The following UGT1A5 variants were observed in gnomAD, a reference collection of about 807,000 sequenced individuals.
UGT1A5 encodes the protein UDP-glucuronosyltransferase 1A5.
UGT1A5 carries 29 observed loss-of-function variants against 40.3 expected under a neutral mutation model. The observed-to-expected ratio is 0.72, with a 90% CI of 0.54 to 0.98. The LOEUF (loss-of-function observed/expected upper bound fraction) is 0.98. Among genes scored for constraint, UGT1A5 ranks in the 50% least tolerant of loss-of-function variants. UGT1A5 has a pLI of 0.00. For missense variants in UGT1A5, 678 were observed against 677.9 expected (o/e 1.00, Z 0.00); for synonymous variants, 257 against 262.5 (o/e 0.98, Z 0.20).
chr2:233,770,320 A>G (rs1342178288), intron 4 of UGT1A5: 1 of 152,182 alleles, frequency 6.6e-6, no homozygotes, highest in African/African-American at 2.4e-5. Flanking sequence ...TATGCTGACA[A>G]CCAGGCCATA....
At chr2:233,748,018 T>C in intron 1 of UGT1A5, 1 of 1,613,548 alleles carries the variant, frequency 6.2e-7, no homozygotes, top group East Asian at 2.2e-5. Context: ...CCCAGGCCGA[T>C]CATGCCCAAC....
chr2:233,733,569 G>C (rs1217619334), intron 1 of UGT1A5, among the ~76,000 whole-genome samples: 1 of 152,186 alleles, frequency 6.6e-6, no homozygotes, highest in East Asian at 1.9e-4. Context: ...AAATAATCAT[G>C]TGGTTTGTCA....
At chr2:233,740,246 T>G (rs1354461528) in intron 1 of UGT1A5, among the ~76,000 whole-genome samples, 1 of 151,876 alleles carries the variant, frequency 6.6e-6, no homozygotes, top group African/African-American at 2.4e-5. Flanking sequence ...GAGAATAGAC[T>G]AATACAAGAT....
chr2:233,743,044 G>A lies in UGT1A5; in HGVS notation c.868-23990G>A, dbSNP rs1369920838. On this transcript the variant is annotated intron_variant, in intron 1 of 4. Coordinates refer to ENST00000373414, the MANE Select transcript of UGT1A5 (RefSeq NM_019078.2). ...AAAGACAAACAGAGGTCCTATCCGT[G>A]TAGTCCCAACGATAAGAACAGGTGT... The A allele has an allele frequency of 1.9e-5, 6 of 317,270 alleles. 1 individual carries two copies. The highest frequency in any genetic ancestry group is 4.4e-5 in the African/African-American group (2 of 45,752). The allele number at this position is 317,270 out of a possible 1,614,324, so 19.7% of individuals were successfully genotyped here. A position where few individuals can be genotyped will look rare whatever the true frequency, so the allele number is the denominator to read the frequency against.
chr2:233,713,793 C>T lies in UGT1A5; in HGVS notation c.802C>T (p.Pro268Ser), dbSNP rs2076346799. Residue 268 changes from proline (P) to serine (S), a missense_variant, in exon 1 of 5, where the codon CCG (proline) becomes TCG (serine). Transcript: ENST00000373414. ...GGACTTTGTGATGGATTACCCCAGG[C>T]CGATCATGCCCAACATGGTCTTCAT... is the stretch of plus-strand genomic sequence containing the variant. ...RGDFVMDYPR[P>S]IMPNMVFIGG... The T allele has an allele frequency of 1.2e-6, 2 of 1,613,928 alleles. No homozygotes were observed. Among genetic ancestry groups the T allele is most frequent in the African/African-American group, 1.3e-5 (1 of 74,910 alleles).
At chr2:233,731,751 G>A (rs1484667687) in intron 1 of UGT1A5, among the ~76,000 whole-genome samples, 2 of 152,152 alleles carry the variant, frequency 1.3e-5, no homozygotes, top group Non-Finnish European at 2.9e-5. Context: ...ACATACGTGT[G>A]CATGTGTCCT....
intron 1 of UGT1A5, among the ~76,000 whole-genome samples, chr2:233,744,904 C>A (rs2125866723): frequency 6.6e-6 from 1 of 151,988 alleles, no homozygotes; most frequent in Middle Eastern, 3.4e-3. Flanking sequence ...ATACCAAAAT[C>A]TAGATGCTCA....
chr2:233,753,314 G>A (rs1425498826), intron 1 of UGT1A5: 1 of 152,252 alleles, frequency 6.6e-6, no homozygotes, highest in Non-Finnish European at 1.5e-5. Context: ...GTGCCCCTGT[G>A]GGATGGTGCC....
At chr2:233,765,432 A>G (rs926269161) in intron 1 of UGT1A5, among the ~76,000 whole-genome samples, 3 of 152,240 alleles carry the variant, frequency 2.0e-5, no homozygotes, top group Non-Finnish European at 2.9e-5. Flanking sequence ...AGCCATAACA[A>G]GGAATGAGAT....
chr2:233,716,180 T>C (rs1445061863), intron 1 of UGT1A5, among the ~76,000 whole-genome samples: 1 of 152,174 alleles, frequency 6.6e-6, no homozygotes, highest in Non-Finnish European at 1.5e-5. Flanking sequence ...CATCTTCAAG[T>C]CTCTAATTCT....
At chr2:233,741,729 C>T (rs1433169561) in intron 1 of UGT1A5, 1 of 151,846 alleles carries the variant, frequency 6.6e-6, no homozygotes, top group Admixed American at 6.5e-5. Context: ...CATATCCAAA[C>T]CCATATCACA....
intron 1 of UGT1A5, among the ~76,000 whole-genome samples, chr2:233,716,316 T>C (rs1429812588): frequency 1.3e-5 from 2 of 152,236 alleles, no homozygotes; most frequent in Non-Finnish European, 2.9e-5. Context: ...CCACCTGTAA[T>C]GGAATATATT....
chr2:233,731,227 AT>A (rs2078124721), intron 1 of UGT1A5, among the ~76,000 whole-genome samples: 1 of 151,928 alleles, frequency 6.6e-6, no homozygotes, highest in Non-Finnish European at 1.5e-5. Flanking sequence ...ATTTGTAAAA[AT>A]GTTGAAAAGT....
chr2:233,752,390 G>A (rs1694961532), intron 1 of UGT1A5: 2 of 152,134 alleles, frequency 1.3e-5, no homozygotes, highest in Admixed American at 1.3e-4. Flanking sequence ...TGCAACAGAG[G>A]AAATGCCCCT....
intron 1 of UGT1A5, chr2:233,748,175 C>G: frequency 6.3e-7 from 1 of 1,584,336 alleles, no homozygotes; most frequent in South Asian, 1.2e-5. Context: ...ACTTATCTTT[C>G]TGGTGCTTTT....
intron 1 of UGT1A5, among the ~76,000 whole-genome samples, chr2:233,745,499 C>T (rs763251786): frequency 6.6e-6 from 1 of 151,510 alleles, no homozygotes; most frequent in Non-Finnish European, 1.5e-5. Context: ...TCTAAGATTT[C>T]CTATAGGGTA....
intron 1 of UGT1A5, among the ~76,000 whole-genome samples, chr2:233,723,536 T>TTC (rs1553611580): frequency 8.2e-6 from 1 of 121,444 alleles, no homozygotes; most frequent in Non-Finnish European, 1.6e-5. Context: ...TTTTTTTTTT[T>TTC]AATTTATTTT....
intron 1 of UGT1A5, among the ~76,000 whole-genome samples, chr2:233,727,909 C>T (rs1033821575): frequency 6.6e-6 from 1 of 152,200 alleles, no homozygotes; most frequent in Non-Finnish European, 1.5e-5. Context: ...CAAGAAGACA[C>T]AGGGGCAGTG....
rs2076312897 is a variant in UGT1A5 at position 233,713,366 on chromosome 2, T to C, written c.375T>C (p.His125=). 1.2e-6 allele frequency: 2 copies of C among 1,614,198 alleles called. No homozygotes were observed. Among genetic ancestry groups the C allele is most frequent in the Non-Finnish European group, 1.7e-6 (2 of 1,180,030 alleles). Residue 125 remains histidine (H), a synonymous_variant, in exon 1 of 5, where the codon CAT becomes CAC. Coordinates refer to ENST00000373414, the MANE Select transcript of UGT1A5 (RefSeq NM_019078.2). ...AIMNNMSLII[H]RSCVELLHNE... ...TGAACAATATGTCTTTGATCATACA[T>C]AGGTCTTGTGTGGAGCTACTGCATA...
Sources: gnomAD v4.1 joint callset for allele counts (sites outside exome capture counted in the v4.1 genomes callset) on GRCh38, gnomAD v4.1.1 for gene constraint, MANE v1.5 for transcripts, NCBI Gene and HGNC (gene_info 2026-07-23, HGNC 2026-07-21) for gene names.